DMD: variants seen among roughly 807,000 people sequenced by gnomAD.
The protein encoded by DMD is dystrophin.
Under a neutral mutation model 330.1 loss-of-function variants are expected in DMD, and 63 were observed. The observed-to-expected ratio is 0.19, with a 90% CI of 0.16 to 0.24. The LOEUF (loss-of-function observed/expected upper bound fraction) is 0.24. Ranked by LOEUF, DMD falls within the 10% of genes least tolerant of loss-of-function variation. The probability of loss-of-function intolerance (pLI) is 1.00; values close to 1 mark genes in which losing one functional copy is unlikely to be tolerated. For synonymous variants in DMD, 1,223 were observed against 959.8 expected, an observed-to-expected ratio of 1.27 and a Z score of -5.07; for missense variants, 3,344 against 2,684.1, an observed-to-expected ratio of 1.25 and a Z score of -5.43.
intron 6 of DMD, among the ~76,000 whole-genome samples, chrX:32,810,533 T>C (rs942409034): frequency 8.9e-6 from 1 of 112,083 alleles, no homozygotes; most frequent in Non-Finnish European, 1.9e-5. Flanking sequence ...GTTGCTCAGA[T>C]AAAAACCCTT....
chrX:32,789,004 GAGTC>G (rs761957581), intron 7 of DMD, among the ~76,000 whole-genome samples: 110 of 111,723 alleles, frequency 9.8e-4, no homozygotes, highest in African/African-American at 3.3e-3. Context: ...AAAGAACAAA[GAGTC>G]AGGGATCACC....
intron 1 of DMD, among the ~76,000 whole-genome samples, chrX:33,073,917 A>C (rs1416887780): frequency 9.0e-6 from 1 of 111,609 alleles, no homozygotes; most frequent in Non-Finnish European, 1.9e-5. Context: ...ATAAACACTA[A>C]AGTGTTTCTC....
At chrX:32,145,254 A>C (rs776351766) in intron 44 of DMD, among the ~76,000 whole-genome samples, 1 of 112,451 alleles carries the variant, frequency 8.9e-6, no homozygotes, top group South Asian at 3.7e-4. Flanking sequence ...ACTGTGAATA[A>C]TAACACAATT....
intron 43 of DMD, among the ~76,000 whole-genome samples, chrX:32,234,218 GT>G (rs1359812137): frequency 9.0e-6 from 1 of 111,557 alleles, no homozygotes; most frequent in African/African-American, 3.3e-5. Flanking sequence ...TTTTAGTTAT[GT>G]TGGGTCAGGA....
intron 26 of DMD, among the ~76,000 whole-genome samples, chrX:32,453,938 T>C (rs1333503950): frequency 9.0e-6 from 1 of 111,187 alleles, no homozygotes; most frequent in Admixed American, 9.5e-5. Flanking sequence ...CAACTCTGAG[T>C]TAGGCAATTT....
At chrX:32,139,914 G>A (rs375125898) in intron 44 of DMD, among the ~76,000 whole-genome samples, 1 of 112,467 alleles carries the variant, frequency 8.9e-6, no homozygotes, top group Non-Finnish European at 1.9e-5. Flanking sequence ...CTAATAGGAA[G>A]TTTTCTTTAT....
At chrX:32,989,633 G>T (rs1360279101) in intron 2 of DMD, among the ~76,000 whole-genome samples, 2 of 111,421 alleles carry the variant, frequency 1.8e-5, no homozygotes, top group African/African-American at 6.5e-5. Flanking sequence ...TCTTTACAAT[G>T]AGAGCTCAAT....
chrX:31,966,494 TA>T (rs1408810187), intron 45 of DMD, among the ~76,000 whole-genome samples: 1 of 110,269 alleles, frequency 9.1e-6, no homozygotes, highest in Non-Finnish European at 1.9e-5. Flanking sequence ...TAGACAACTT[TA>T]AAAGCTCAGC....
At chrX:32,117,434 G>T (rs769515413) in intron 44 of DMD, among the ~76,000 whole-genome samples, 2 of 111,969 alleles carry the variant, frequency 1.8e-5, no homozygotes, top group African/African-American at 6.5e-5. Context: ...TCCCAGCAGT[G>T]CCCCCTCTTA....
rs747695913 is a variant in DMD at position 31,774,176 on chromosome X, A to G, written c.7326T>C (p.Val2442=). Residue 2442 remains valine (V), a synonymous_variant, in exon 51 of 79, where the codon GTT becomes GTC. Transcript: ENST00000357033. ...TAACCACAGGTTGTGTCACCAGAGTAACAGTCTGAGTAGGAGCTAAAATAT... is the reference window on the plus strand; with the variant it reads ...TAACCACAGGTTGTGTCACCAGAGTGACAGTCTGAGTAGGAGCTAAAATAT... ...TTIGASPTQT[V]TLVTQPVVTK... 3 of 1,208,071 alleles carry G rather than the reference A, an allele frequency of 2.5e-6. No individual in the cohort carries two copies. The highest frequency in any genetic ancestry group is 2.2e-6 in the Non-Finnish European group (2 of 892,430).
At chrX:31,998,019 G>A (rs1312941188) in intron 44 of DMD, among the ~76,000 whole-genome samples, 1 of 111,449 alleles carries the variant, frequency 9.0e-6, no homozygotes, top group Admixed American at 9.6e-5. Flanking sequence ...AAGCATGGCT[G>A]GGTCTGAAGT....
chrX:32,362,936 T>C lies in DMD; in HGVS notation c.5177A>G (p.Asp1726Gly), dbSNP rs372917491. The stretch of plus-strand genomic sequence containing the variant: ...TGTAGAGTCCACCTTTGGGCGTATG[T>C]CATTCAGTTCTGCCTTTAAACGCTA... ...VLKRLKAELN[D>G]IRPKVDSTRD... Residue 1726 changes from aspartate (D) to glycine (G), a missense_variant, in exon 37 of 79, where the codon GAC becomes GGC. Physicochemically the swap from Asp to Gly is moderately conservative, Grantham distance 94 (BLOSUM62 -1). Transcript: ENST00000357033. 1.2e-5 allele frequency: 14 copies of C among 1,208,693 alleles called. No individual in the cohort carries two copies. In the African/African-American group the frequency reaches 1.8e-4, roughly 15 times the overall value.
At chrX:32,670,616 G>C (rs2061573380) in intron 9 of DMD, among the ~76,000 whole-genome samples, 1 of 111,799 alleles carries the variant, frequency 8.9e-6, no homozygotes, top group South Asian at 3.7e-4. Context: ...TCATAAAACA[G>C]TCAACAGTGA....
chrX:32,767,996 T>TAC lies in DMD; in HGVS notation c.649+41495_649+41496dup, dbSNP rs1282388457. Among the ~76,000 whole-genome samples the TAC allele has an allele frequency of 8.1e-5, 9 of 111,683 alleles. No homozygotes were observed. In the Admixed American group the frequency reaches 8.6e-4, roughly 11 times the overall value. On this transcript the variant is annotated intron_variant, in intron 7 of 78. Coordinates refer to ENST00000357033, the MANE Select transcript of DMD (RefSeq NM_004006.3). ...ATAACATTGAGTGTTTCACAGGAGT[T>TAC]ACACACACACATAACTTTATTCAAT...
At position 32,411,277 on chromosome X, in the gene DMD, C is replaced by T. The variant is rs768777690; in HGVS notation, c.4233+475G>A. ...TCCCGAGTAGCTGGGATTACAGGCG[C>T]GTGCCAACAAACCTGGCTAATTTTT... On this transcript the variant is annotated intron_variant, in intron 30 of 78. Coordinates refer to ENST00000357033, the MANE Select transcript of DMD (RefSeq NM_004006.3). Among the ~76,000 whole-genome samples, 9 of 110,733 alleles carry T rather than the reference C, an allele frequency of 8.1e-5. No homozygotes were observed. In the East Asian group the frequency reaches 1.7e-3, roughly 21 times the overall value.
chrX:33,305,405 C>T (rs1158591396), intron 1 of DMD, among the ~76,000 whole-genome samples: 71 of 66,636 alleles, frequency 1.1e-3, no homozygotes, highest in South Asian at 8.5e-3. Context: ...CATCACACTC[C>T]GGGGACTGTT....
chrX:31,429,015 G>A (rs2063878122), intron 60 of DMD, among the ~76,000 whole-genome samples: 3 of 109,930 alleles, frequency 2.7e-5, no homozygotes, highest in Admixed American at 1.9e-4. Context: ...CCAGCTACTC[G>A]GGAGGCTGAG....
chrX:32,996,979 A>G (rs2147364762), intron 2 of DMD, among the ~76,000 whole-genome samples: 1 of 111,977 alleles, frequency 8.9e-6, no homozygotes, highest in East Asian at 2.8e-4. Flanking sequence ...AATCTATAAG[A>G]AAGCATATGT....
At chrX:32,259,770 A>C (rs6628693) in intron 43 of DMD, among the ~76,000 whole-genome samples, 7,398 of 111,488 alleles carry the variant, frequency 0.066, 475 homozygotes, top group East Asian at 0.44. Flanking sequence ...GTAGGAAGAC[A>C]AGATAAATTA....
Sources: gnomAD v4.1 joint callset for allele counts (sites outside exome capture counted in the v4.1 genomes callset) on GRCh38, gnomAD v4.1.1 for gene constraint, MANE v1.5 for transcripts, NCBI Gene and HGNC (gene_info 2026-07-23, HGNC 2026-07-21) for gene names.